SFI1: variants seen among roughly 807,000 people sequenced by gnomAD.
The protein encoded by SFI1 is SFI1 centrin binding protein.
In SFI1, 195 loss-of-function variants were observed where a neutral mutation model predicts 207.5. The observed-to-expected ratio is 0.94, with a 90% CI of 0.84 to 1.06. The LOEUF (loss-of-function observed/expected upper bound fraction) is 1.06. SFI1 is among the 50% of genes least tolerant of loss of function. The pLI is 0.00. For synonymous variants in SFI1, 630 were observed against 598.9 expected, an observed-to-expected ratio of 1.05 and a Z score of -0.76; for missense variants, 1,634 against 1,588.0, an observed-to-expected ratio of 1.03 and a Z score of -0.49.
intron 4 of SFI1, among the ~76,000 whole-genome samples, chr22:31,544,830 A>T (rs1165341036): frequency 1.3e-5 from 2 of 152,112 alleles, no homozygotes; most frequent in African/African-American, 4.8e-5. Flanking sequence ...TTTTAACCTC[A>T]TTTCTAGTTT....
chr22:31,531,012 C>T, intron 3 of SFI1, 46 bp from the exon 4 acceptor site: 2 of 1,546,464 alleles, frequency 1.3e-6, no homozygotes, highest in Non-Finnish European at 1.8e-6. Context: ...TGATGTAAGC[C>T]AAATGGAATT....
Position 31,613,520 on chromosome 22 carries a change from A to G in SFI1, c.2732A>G (p.Gln911Arg). 1 of 1,591,622 alleles carries G rather than the reference A, an allele frequency of 6.3e-7. No homozygotes were observed. The highest frequency in any genetic ancestry group is 8.5e-7 in the Non-Finnish European group (1 of 1,172,952). The change falls in exon 26 of 33, where the codon CAG (glutamine) becomes CGG (arginine). Residue 911 changes from glutamine (Q) to arginine (R), a missense_variant. Transcript: ENST00000400288. The stretch of plus-strand genomic sequence containing the variant: ...TCCCGGCAGCAGCTGCAGGCCCAGC[A>G]GCAGGTCCAGGTAGGCCCAGGGCCC... ...KASRQQLQAQQQVQAAHSLHR... is the reference protein window; with the variant it reads ...KASRQQLQAQRQVQAAHSLHR...
rs1190495273 is a variant in SFI1 at position 31,557,037 on chromosome 22, T to C, written c.640T>C (p.Phe214Leu). The change falls in exon 7 of 33, where the codon TTT becomes CTT. Residue 214 changes from phenylalanine to leucine, a missense_variant. Phe to Leu is a conservative substitution (Grantham distance 22). Transcript: ENST00000400288. ...TCAGATGCAGACTACAGCTCTGGAG[T>C]TTAGGCAACGGATTATCTTACGGTG... ...KLQMQTTALEFRQRIILRVWW... is the reference protein window; with the variant it reads ...KLQMQTTALELRQRIILRVWW... 9 of 1,606,338 alleles carry C rather than the reference T, an allele frequency of 5.6e-6. No homozygotes were observed. Among genetic ancestry groups the C allele is most frequent in the African/African-American group, 1.3e-5 (1 of 74,692 alleles).
intron 8 of SFI1, among the ~76,000 whole-genome samples, chr22:31,568,386 G>A (rs774462023): frequency 1.1e-4 from 17 of 150,850 alleles, no homozygotes; most frequent in Non-Finnish European, 2.2e-4. Flanking sequence ...AAAATTAGCC[G>A]GGCATGGTGG....
Position 31,531,588 on chromosome 22 carries a change from C to T in SFI1, c.338+459C>T, listed in dbSNP as rs561101113. On this transcript the variant is annotated intron_variant, in intron 4 of 32. Coordinates refer to ENST00000400288, the MANE Select transcript of SFI1 (RefSeq NM_001007467.3). ...CAGCCTGGCCAACCTGGTGAAACCC[C>T]GTCTCTACAAAAATTAGCCGAGCAG... 2.0e-5 allele frequency among the ~76,000 whole-genome samples: 3 copies of T among 151,896 alleles called. No homozygotes were observed. The East Asian group carries it at 5.8e-4, about 29-fold the overall frequency.
chr22:31,580,824 T>C (rs1486829985), intron 12 of SFI1, among the ~76,000 whole-genome samples: 5 of 152,136 alleles, frequency 3.3e-5, no homozygotes, highest in Non-Finnish European at 7.4e-5. Flanking sequence ...ATTACAGGCG[T>C]GAGTCACCAT....
In SFI1 at chr22:31,607,955, G is replaced by A. The variant is rs188434444; in HGVS notation, c.2176G>A (p.Glu726Lys). ...ICSKVLVQWR[E>K]AVSVQMYYRQ... Reference sequence around the variant, plus strand: ...CCCATAGGTCCTGGTCCAGTGGCGGGAAGCTGTGTCAGTGCAGATGTATTA... The same window carrying A: ...CCCATAGGTCCTGGTCCAGTGGCGGAAAGCTGTGTCAGTGCAGATGTATTA... The change falls in exon 22 of 33, where the codon GAA becomes AAA. Residue 726 changes from glutamate to lysine, a missense_variant. Coordinates refer to ENST00000400288, the MANE Select transcript of SFI1 (RefSeq NM_001007467.3). 3.3e-4 allele frequency: 525 copies of A among 1,613,934 alleles called. 3 individuals carry two copies. In the East Asian group the frequency reaches 7.8e-3, roughly 24 times the overall value.
chr22:31,550,480 A>G (rs1271439303), intron 6 of SFI1, 132 bp downstream of exon 6: 2 of 690,072 alleles, frequency 2.9e-6, no homozygotes, highest in Non-Finnish European at 4.9e-6. Flanking sequence ...ATTCTCTTTC[A>G]TATTTTTCAG....
At chr22:31,545,905 G>A (rs890838836) in intron 4 of SFI1, among the ~76,000 whole-genome samples, 2 of 84,152 alleles carry the variant, frequency 2.4e-5, no homozygotes, top group Non-Finnish European at 4.6e-5. Flanking sequence ...TTTTTTTAAT[G>A]TATTTGAGAC....
At chr22:31,617,511 A>G (rs1038119986) in intron 31 of SFI1, among the ~76,000 whole-genome samples, 1 of 152,148 alleles carries the variant, frequency 6.6e-6, no homozygotes, top group Non-Finnish European at 1.5e-5. Context: ...TCACGGGGTT[A>G]GGAGTTCAAG....
At chr22:31,583,713 C>T (rs549888863) in intron 12 of SFI1, among the ~76,000 whole-genome samples, 162 bp from the exon 13 acceptor site, 17 of 152,188 alleles carry the variant, frequency 1.1e-4, no homozygotes, top group African/African-American at 3.9e-4. Flanking sequence ...CCCAGAATAG[C>T]TCTATAGTTG....
At chr22:31,547,069 C>T (rs1280988984) in intron 5 of SFI1, 98 bp downstream of exon 5, 7 of 908,232 alleles carry the variant, frequency 7.7e-6, no homozygotes, top group African/African-American at 5.1e-5. Context: ...AACTTTGGGT[C>T]ACTTTTGGTT....
In SFI1 at chr22:31,614,771, C is replaced by T. The variant is rs2071089354; in HGVS notation, c.2997-18C>T. On this transcript the variant is annotated intron_variant, in intron 27 of 32. Coordinates refer to ENST00000400288, the MANE Select transcript of SFI1 (RefSeq NM_001007467.3). ...CCCCTGGTCAGCCCAGGGGAACAGA[C>T]CCCATGTTTCTTTCCAGCAACACTG... 4 of 1,613,550 alleles carry T rather than the reference C, an allele frequency of 2.5e-6. No individual in the cohort carries two copies. Among genetic ancestry groups the T allele is most frequent in the Non-Finnish European group, 3.4e-6 (4 of 1,179,930 alleles).
intron 22 of SFI1, 30 bp from the exon 23 acceptor site, chr22:31,611,113 A>C (rs1267287545): frequency 1.2e-6 from 2 of 1,614,074 alleles, no homozygotes; most frequent in Non-Finnish European, 1.7e-6. Flanking sequence ...ATCCCACAAA[A>C]CAGCAAACTC....
At chr22:31,612,426 T>TATAA (rs1491348905) in intron 24 of SFI1, 5 of 99,930 alleles carry the variant, frequency 5.0e-5, no homozygotes, top group East Asian at 4.9e-4. Context: ...TATATATATA[T>TATAA]AATCAGTGGG....
intron 8 of SFI1, among the ~76,000 whole-genome samples, chr22:31,564,839 A>G (rs1453359403): frequency 5.7e-5 from 3 of 52,346 alleles, no homozygotes; most frequent in African/African-American, 2.4e-4. Context: ...TTTGAGACGG[A>G]GTCTTGCTCT....
In SFI1 at chr22:31,544,325, C is replaced by T. The variant is rs766989123; in HGVS notation, c.339-2536C>T. Reference sequence around the variant, plus strand: ...TTCAGATTTCAGCTAAATTAATATCCTGTGTTCCTGTTAAGTACTAGGAAT... The same window carrying T: ...TTCAGATTTCAGCTAAATTAATATCTTGTGTTCCTGTTAAGTACTAGGAAT... On this transcript the variant is annotated intron_variant, in intron 4 of 32. Coordinates refer to ENST00000400288, the MANE Select transcript of SFI1 (RefSeq NM_001007467.3). Among the ~76,000 whole-genome samples the T allele has an allele frequency of 5.3e-5, 8 of 151,982 alleles. No individual in the cohort carries two copies. The East Asian group carries it at 1.5e-3, about 29-fold the overall frequency.
At chr22:31,556,786 T>A (rs1017048977) in intron 6 of SFI1, among the ~76,000 whole-genome samples, 156 bp from the exon 7 acceptor site, 2 of 152,248 alleles carry the variant, frequency 1.3e-5, no homozygotes, top group Non-Finnish European at 2.9e-5. Flanking sequence ...TCTTGCACTC[T>A]AATTAATTTT....
In SFI1 at chr22:31,528,788, G is replaced by A; in HGVS notation, c.191G>A (p.Ser64Asn). The A allele has an allele frequency of 1.2e-6, 2 of 1,614,154 alleles. No homozygotes were observed. The highest frequency in any genetic ancestry group is 1.7e-6 in the Non-Finnish European group (2 of 1,180,012). ...ASFGIRRELP[S>N]TSHLVQYRGT... Reference sequence around the variant, plus strand: ...TTTGGGATCCGGAGGGAGTTACCTAGTACCAGTCATCTAGTGCAGTATCGT... The same window carrying A: ...TTTGGGATCCGGAGGGAGTTACCTAATACCAGTCATCTAGTGCAGTATCGT... Residue 64 changes from serine to asparagine, a missense_variant, in exon 3 of 33, where the codon AGT (serine) becomes AAT (asparagine). Coordinates refer to ENST00000400288, the MANE Select transcript of SFI1 (RefSeq NM_001007467.3).
Sources: gnomAD v4.1 joint callset for allele counts (sites outside exome capture counted in the v4.1 genomes callset) on GRCh38, gnomAD v4.1.1 for gene constraint, MANE v1.5 for transcripts, NCBI Gene and HGNC (gene_info 2026-07-23, HGNC 2026-07-21) for gene names.